The following SRI variants were observed in gnomAD, a reference collection of about 807,000 sequenced individuals.
The protein encoded by SRI is sorcin, also known as 22 kDa protein.
A neutral mutation model predicts 33.3 loss-of-function variants in SRI; 30 were observed. The ratio of observed to expected loss-of-function variants is 0.90; its 90% CI spans 0.67 to 1.22. The LOEUF (loss-of-function observed/expected upper bound fraction) is 1.22. Ranked by LOEUF, SRI falls within the 50% of genes most tolerant of loss-of-function variation. The pLI is 0.00. For synonymous variants in SRI, 75 were observed against 89.9 expected, an observed-to-expected ratio of 0.83 and a Z score of 0.94; for missense variants, 243 against 250.8, an observed-to-expected ratio of 0.97 and a Z score of 0.21.
Position 88,206,162 on chromosome 7 carries a change from A to G in SRI, c.*316T>C, listed in dbSNP as rs1851436181. ...GATTAACAGTTTTTAGTGTCTCACA[A>G]TGAAAAATAAATAATGTGACTTAAA... On this transcript the variant is annotated 3_prime_UTR_variant, in exon 8 of 8. Coordinates refer to ENST00000265729, the MANE Select transcript of SRI (RefSeq NM_003130.4). 1 of 378,858 alleles carries G rather than the reference A, an allele frequency of 2.6e-6. No individual in the cohort carries two copies. Among genetic ancestry groups the G allele is most frequent in the South Asian group, 3.0e-5 (1 of 33,110 alleles). The allele number at this position is 378,858 out of a possible 1,614,324, so 23.5% of individuals were successfully genotyped here. A position where few individuals can be genotyped will look rare whatever the true frequency, so the allele number is the denominator to read the frequency against.
intron 2 of SRI, among the ~76,000 whole-genome samples, chr7:88,218,551 T>G (rs1022399572): frequency 1.3e-5 from 2 of 152,246 alleles, no homozygotes; most frequent in Non-Finnish European, 2.9e-5. Context: ...TATATGTCTT[T>G]AAGTTGTACA....
At chr7:88,211,006 A>G in intron 3 of SRI, 81 bp from the exon 4 acceptor site, 2 of 1,084,760 alleles carry the variant, frequency 1.8e-6, no homozygotes, top group Non-Finnish European at 2.8e-6. Flanking sequence ...AATTAATTAG[A>G]AATATGATTA....
rs765912574 is a variant in SRI, at chr7:88,208,547, T to C, written c.530A>G (p.Asp177Gly). Residue 177 changes from aspartate (D) to glycine (G), a missense_variant, in exon 7 of 8, where the codon GAT becomes GGT. Transcript: ENST00000265729. ...ATTCACAACACCTTGCTGAGCAGTA[T>C]CCCGTCTTCGAAAGCTGTCTGTAAA... ...RALTDSFRRR[D>G]TAQQGVVNFP... The C allele has an allele frequency of 6.2e-7, 1 of 1,613,934 alleles. No homozygotes were observed. Among genetic ancestry groups the C allele is most frequent in the East Asian group, 2.2e-5 (1 of 44,850 alleles).
upstream of SRI, among the ~76,000 whole-genome samples, chr7:88,224,423 A>G (rs956088273): frequency 2.6e-5 from 4 of 152,238 alleles, no homozygotes; most frequent in Non-Finnish European, 4.4e-5. Context: ...CTTGTTAGGA[A>G]GAAATGAGCA....
chr7:88,214,659 A>T (rs1015625231), intron 3 of SRI: 1 of 165,056 alleles, frequency 6.1e-6, no homozygotes, highest in Non-Finnish European at 1.2e-5. Context: ...AGTATTATAT[A>T]TTAGTTACGT....
chr7:88,207,066 C>T (rs143695764), intron 7 of SRI, among the ~76,000 whole-genome samples: 3 of 152,278 alleles, frequency 2.0e-5, no homozygotes, highest in South Asian at 2.1e-4. Context: ...TTGGCTTCCC[C>T]GCTAAACATA....
At position 88,205,224 on chromosome 7, in the gene SRI, A is replaced by AAAT. The variant is rs1396739947; in HGVS notation, c.*1251_*1253dup. 1 of 152,256 alleles carries AAAT rather than the reference A, an allele frequency of 6.6e-6. No individual in the cohort carries two copies. The highest frequency in any genetic ancestry group is 1.5e-5 in the Non-Finnish European group (1 of 68,042). The allele number at this position is 152,256 out of a possible 1,614,324, so 9.4% of individuals were successfully genotyped here. ...GACAGATACTCTGCTGGCAAGTAGA[A>AAAT]AATAGACTAATTTCATTTTTTATCT... On this transcript the variant is annotated 3_prime_UTR_variant, in exon 8 of 8. Transcript: ENST00000265729.
intron 3 of SRI, among the ~76,000 whole-genome samples, chr7:88,215,431 A>T (rs1021704743): frequency 6.6e-6 from 1 of 152,224 alleles, no homozygotes; most frequent in East Asian, 1.9e-4. Flanking sequence ...CCATGCTGTG[A>T]TCTCACTGCA....
At chr7:88,216,333 A>C (rs1055395318) in intron 3 of SRI, among the ~76,000 whole-genome samples, 1 of 152,158 alleles carries the variant, frequency 6.6e-6, no homozygotes, top group African/African-American at 2.4e-5. Context: ...CAGAGTGTTC[A>C]AAAGGCAGGG....
At chr7:88,221,569 A>G (rs1027843291), upstream of SRI, among the ~76,000 whole-genome samples, 1 of 152,242 alleles carries the variant, frequency 6.6e-6, no homozygotes, top group Non-Finnish European at 1.5e-5. Flanking sequence ...TGAAAGAAGT[A>G]TAAAGCATAT....
intron 2 of SRI, among the ~76,000 whole-genome samples, chr7:88,217,638 G>C (rs922686981): frequency 3.9e-5 from 6 of 152,156 alleles, no homozygotes; most frequent in African/African-American, 1.2e-4. Context: ...TAGGTTCCCA[G>C]TGCCCATTCA....
At chr7:88,220,052 T>C (rs921432106), upstream of SRI, 4 of 1,516,554 alleles carry the variant, frequency 2.6e-6, no homozygotes, top group East Asian at 5.2e-5. Context: ...GCAGCCGCCC[T>C]CGCCCTGTGC....
intron 2 of SRI, 63 bp downstream of exon 2, chr7:88,218,796 A>G (rs935276894): frequency 4.6e-6 from 7 of 1,511,430 alleles, no homozygotes; most frequent in Admixed American, 3.4e-5. Flanking sequence ...CTGTGTCACT[A>G]TATCAAAAGC....
At chr7:88,215,650 A>T (rs1283727624) in intron 3 of SRI, among the ~76,000 whole-genome samples, 1 of 152,256 alleles carries the variant, frequency 6.6e-6, no homozygotes, top group Non-Finnish European at 1.5e-5. Flanking sequence ...GAGTAATAGG[A>T]TACTAAAGTC....
chr7:88,212,442 T>G (rs1034071850), intron 3 of SRI, among the ~76,000 whole-genome samples: 1 of 152,258 alleles, frequency 6.6e-6, no homozygotes, highest in East Asian at 1.9e-4. Context: ...TCCACACTTG[T>G]GCTTATCTGA....
At chr7:88,210,429 G>A (rs1851547636) in intron 4 of SRI, 1 of 430,838 alleles carries the variant, frequency 2.3e-6, no homozygotes, top group Non-Finnish European at 4.3e-6. Context: ...TGTACTTTGT[G>A]GGTGCTTCAG....
intron 2 of SRI, among the ~76,000 whole-genome samples, chr7:88,217,679 G>C (rs1293244653): frequency 2.6e-5 from 4 of 152,174 alleles, no homozygotes; most frequent in African/African-American, 9.7e-5. Flanking sequence ...CTAGATATAT[G>C]TGATTTTTAG....
Position 88,209,382 on chromosome 7 carries a change from G to A in SRI, c.468C>T (p.Phe156=), listed in dbSNP as rs539679263. ...TGACGCAGCAGGCGATGTAGTCGTC[G>A]AAGGTGATCTTTCCATTGGTGCTGT... is the stretch of plus-strand genomic sequence containing the variant. The part of the protein sequence containing the change: ...KRYSTNGKIT[F]DDYIACCVKL... The change falls in exon 6 of 8, where the codon TTC becomes TTT. Residue 156 remains phenylalanine (F), a synonymous_variant. Coordinates refer to ENST00000265729, the MANE Select transcript of SRI (RefSeq NM_003130.4). 7.0e-5 allele frequency: 113 copies of A among 1,614,088 alleles called. No homozygotes were observed. Among genetic ancestry groups the A allele is most frequent in the South Asian group, 4.0e-4 (36 of 91,086 alleles).
chr7:88,206,285 C>T lies in SRI; in HGVS notation c.*193G>A. ...TTCTAAATGGTGTAACAGACTAGAT[C>T]TTATTAAAGTTCCAAAGAATTTATT... On this transcript the variant is annotated 3_prime_UTR_variant, in exon 8 of 8. Transcript: ENST00000265729. 2 of 668,000 alleles carry T rather than the reference C, an allele frequency of 3.0e-6. No homozygotes were observed. The highest frequency in any genetic ancestry group is 5.3e-6 in the Non-Finnish European group (2 of 379,208). The allele number at this position is 668,000 out of a possible 1,614,324, so 41.4% of individuals were successfully genotyped here. A position where few individuals can be genotyped will look rare whatever the true frequency, so the allele number is the denominator to read the frequency against.
Sources: gnomAD v4.1 joint callset for allele counts (sites outside exome capture counted in the v4.1 genomes callset) on GRCh38, gnomAD v4.1.1 for gene constraint, MANE v1.5 for transcripts, NCBI Gene and HGNC (gene_info 2026-07-23, HGNC 2026-07-21) for gene names.